Variants in AFG2A observed in about 807,000 individuals in gnomAD.
The protein encoded by AFG2A is ATPase family gene 2 protein homolog A.
the AFG2A span, among the ~76,000 whole-genome samples, chr4:123,077,524 T>G: frequency 6.6e-6 from 1 of 152,172 alleles, no homozygotes; most frequent in Non-Finnish European, 1.5e-5. Flanking sequence ...ACTTCATTAT[T>G]CACAGCACAG....
chr4:123,075,168 A>G, the AFG2A span, among the ~76,000 whole-genome samples: 1 of 151,578 alleles, frequency 6.6e-6, no homozygotes, highest in Non-Finnish European at 1.5e-5. Context: ...CTGGTCTCGA[A>G]CTCCTGACTT....
At chr4:123,162,524 G>A in the AFG2A span, among the ~76,000 whole-genome samples, 1 of 152,066 alleles carries the variant, frequency 6.6e-6, no homozygotes, top group Non-Finnish European at 1.5e-5. Context: ...GAGAATCAAT[G>A]GGCCCACTGA....
At chr4:122,979,885 G>A in the AFG2A span, among the ~76,000 whole-genome samples, 4 of 152,132 alleles carry the variant, frequency 2.6e-5, no homozygotes, top group Non-Finnish European at 5.9e-5. Flanking sequence ...GTGACAGAGC[G>A]AGACCCTGTC....
chr4:123,071,411 C>T, the AFG2A span, among the ~76,000 whole-genome samples: 1 of 150,918 alleles, frequency 6.6e-6, no homozygotes, highest in Non-Finnish European at 1.5e-5. Flanking sequence ...ACCCAGGAGG[C>T]GGAGGTTGCG....
chr4:123,249,074 A>G, the AFG2A span, among the ~76,000 whole-genome samples: 2 of 152,224 alleles, frequency 1.3e-5, no homozygotes, highest in African/African-American at 4.8e-5. Context: ...CCTCCAGCTA[A>G]GCTGATTCTT....
the AFG2A span, among the ~76,000 whole-genome samples, chr4:123,295,892 T>C: frequency 6.6e-6 from 1 of 152,276 alleles, no homozygotes; most frequent in South Asian, 2.1e-4. Context: ...CTGAGCACGA[T>C]CTTGTCTCAA....
the AFG2A span, chr4:123,255,913 A>G: frequency 1.5e-6 from 2 of 1,292,740 alleles, no homozygotes; most frequent in Non-Finnish European, 2.2e-6. Context: ...TACGAATAAT[A>G]GTGGATTGTT....
chr4:123,225,286 A>T, the AFG2A span, among the ~76,000 whole-genome samples: 6 of 152,220 alleles, frequency 3.9e-5, no homozygotes, highest in African/African-American at 1.4e-4. Context: ...GTTCTTGCAC[A>T]TGCCTATGTC....
At chr4:123,038,975 G>A in the AFG2A span, among the ~76,000 whole-genome samples, 3 of 152,108 alleles carry the variant, frequency 2.0e-5, no homozygotes, top group Non-Finnish European at 4.4e-5. Flanking sequence ...TTACCTGTAT[G>A]TTGGATATTT....
chr4:123,071,232 G>C, the AFG2A span, among the ~76,000 whole-genome samples: 11 of 152,296 alleles, frequency 7.2e-5, no homozygotes, highest in East Asian at 2.1e-3. Context: ...TGTAATCCCA[G>C]CACTTTGGGA....
At chr4:122,942,659 T>C in the AFG2A span, among the ~76,000 whole-genome samples, 1 of 152,214 alleles carries the variant, frequency 6.6e-6, no homozygotes, top group Non-Finnish European at 1.5e-5. Context: ...ATCTTAGTTA[T>C]TTCTTGCCTT....
chr4:123,212,313 A>G, the AFG2A span, among the ~76,000 whole-genome samples: 1 of 152,116 alleles, frequency 6.6e-6, no homozygotes, highest in Admixed American at 6.6e-5. Flanking sequence ...TTGAACGTGA[A>G]ACCTTCTACC....
chr4:123,213,692 C>T, the AFG2A span, among the ~76,000 whole-genome samples: 1 of 152,152 alleles, frequency 6.6e-6, no homozygotes, highest in East Asian at 1.9e-4. Flanking sequence ...GCTGGGGTAG[C>T]TTTCTCTTGT....
At chr4:123,302,149 C>T in the AFG2A span, among the ~76,000 whole-genome samples, 1 of 152,214 alleles carries the variant, frequency 6.6e-6, no homozygotes, top group Non-Finnish European at 1.5e-5. Flanking sequence ...CCCAAGCTCC[C>T]AGAGCACCAG....
chr4:123,288,011 G>T, the AFG2A span, among the ~76,000 whole-genome samples: 1,184 of 152,256 alleles, frequency 7.8e-3, 7 homozygotes, highest in Non-Finnish European at 0.012. Flanking sequence ...CTGGAGTGAA[G>T]AGTGTGAGGG....
At chr4:123,006,995 C>A in the AFG2A span, among the ~76,000 whole-genome samples, 1 of 150,228 alleles carries the variant, frequency 6.7e-6, no homozygotes, top group Non-Finnish European at 1.5e-5. Flanking sequence ...GGGGCTAGAG[C>A]GGAGTTTTGC....
the AFG2A span, among the ~76,000 whole-genome samples, chr4:123,280,967 T>C: frequency 6.6e-6 from 1 of 152,168 alleles, no homozygotes; most frequent in African/African-American, 2.4e-5. Context: ...GATCAGCTGG[T>C]ACCATAAATT....
the AFG2A span, among the ~76,000 whole-genome samples, chr4:123,268,878 T>A: frequency 6.6e-6 from 1 of 152,206 alleles, no homozygotes; most frequent in Non-Finnish European, 1.5e-5. Flanking sequence ...CTGGAAAAGA[T>A]ATTTTTAAGC....
At chr4:123,112,227 T>A in the AFG2A span, among the ~76,000 whole-genome samples, 1 of 152,160 alleles carries the variant, frequency 6.6e-6, no homozygotes, top group Non-Finnish European at 1.5e-5. Flanking sequence ...GATAGCTTAA[T>A]ATTGGTGTTG....
Sources: allele counts gnomAD v4.1 joint callset (sites outside exome capture counted in the v4.1 genomes callset), GRCh38; gene constraint gnomAD v4.1.1; transcripts MANE v1.5; gene names NCBI Gene and HGNC (gene_info 2026-07-23, HGNC 2026-07-21).